The following ZNF831 variants were observed in gnomAD, a reference collection of about 807,000 sequenced individuals.
The protein encoded by ZNF831 is chromosome 20 open reading frame 174.
Under a neutral mutation model 95.8 loss-of-function variants are expected in ZNF831, and 59 were observed. The ratio of observed to expected loss-of-function variants is 0.62; its 90% CI spans 0.50 to 0.77. The LOEUF (loss-of-function observed/expected upper bound fraction) is 0.77. Among genes scored for constraint, ZNF831 ranks in the 30% least tolerant of loss-of-function variants. ZNF831 has a pLI of 0.00. For missense variants in ZNF831, 2,205 were observed against 2,164.0 expected (o/e 1.02, Z -0.38); for synonymous variants, 961 against 925.5 (o/e 1.04, Z -0.70).
intron 2 of ZNF831, among the ~76,000 whole-genome samples, chr20:59,158,477 T>C (rs552218689): frequency 6.6e-6 from 1 of 152,312 alleles, no homozygotes; most frequent in South Asian, 2.1e-4. Context: ...GAGGACATTG[T>C]CTTGGCAAAG....
Position 59,254,426 on chromosome 20 carries a change from G to A in ZNF831, c.4717G>A (p.Gly1573Arg), listed in dbSNP as rs2146769540. 6.2e-7 allele frequency: 1 copy of A among 1,614,188 alleles called. No homozygotes were observed. Among genetic ancestry groups the A allele is most frequent in the Non-Finnish European group, 8.5e-7 (1 of 1,180,040 alleles). The change falls in exon 6 of 6, where the codon GGA (glycine) becomes AGA (arginine). Residue 1573 changes from glycine to arginine, a missense_variant. By Grantham distance (125) the Gly-to-Arg change is moderately radical. Transcript: ENST00000371030. This position sits in a 1 kb window ranked among gnomAD's most constrained non-coding sequence, Gnocchi z 4.5. ...EKTHLEIPAS[G>R]PSSASSHHKE... ...AACTCATCTTGAAATACCAGCTTCAGGACCAAGTTCAGCTAGTTCACACCA... is the reference window on the plus strand; with the variant it reads ...AACTCATCTTGAAATACCAGCTTCAAGACCAAGTTCAGCTAGTTCACACCA...
intron 4 of ZNF831, among the ~76,000 whole-genome samples, chr20:59,236,446 CT>C (rs1987003038): frequency 6.6e-6 from 1 of 151,886 alleles, no homozygotes; most frequent in Non-Finnish European, 1.5e-5. Flanking sequence ...TTCTTTTATC[CT>C]TTTTTTGTTT....
chr20:59,157,736 A>G (rs899866482), intron 2 of ZNF831, among the ~76,000 whole-genome samples: 1 of 152,198 alleles, frequency 6.6e-6, no homozygotes, highest in Non-Finnish European at 1.5e-5. Flanking sequence ...ATGTTTAAAC[A>G]TATTGTTTTT....
chr20:59,140,741 A>G (rs760377712), intron 1 of ZNF831, among the ~76,000 whole-genome samples: 5 of 152,048 alleles, frequency 3.3e-5, no homozygotes, highest in Non-Finnish European at 7.4e-5. Flanking sequence ...GTCATTTTTA[A>G]TTTTAGCCAT....
Position 59,194,187 on chromosome 20 carries a change from C to G in ZNF831, c.3168C>G (p.Pro1056=), listed in dbSNP as rs773836194. 1 of 1,604,188 alleles carries G rather than the reference C, an allele frequency of 6.2e-7. No homozygotes were observed. Among genetic ancestry groups the G allele is most frequent in the East Asian group, 2.2e-5 (1 of 44,764 alleles). Residue 1056 remains proline (P), a synonymous_variant, in exon 2 of 6, where the codon CCC becomes CCG. Coordinates refer to ENST00000371030, the MANE Select transcript of ZNF831 (RefSeq NM_178457.3). ...CCAGGGAGGCTACCTCCTCCCCGCC[C>G]ACTCCAACGTGTGAGGCACACTTAG... ...GAPREATSSP[P]TPTCEAHLVQ...
In ZNF831 at chr20:59,256,958, C is replaced by T. The variant is rs2081981820; in HGVS notation, c.*2215C>T. The T allele has an allele frequency of 6.6e-6, 1 of 152,220 alleles. No homozygotes were observed. Among genetic ancestry groups the T allele is most frequent in the Non-Finnish European group, 1.5e-5 (1 of 68,048 alleles). 9.4% of individuals were successfully genotyped at this position (152,220 alleles called of 1,614,324 possible). ...AAAACCTATCTGTAGGCTGAACTGG[C>T]TCCTTTGTCTTAGGAGGCACTGGTC... On this transcript the variant is annotated 3_prime_UTR_variant, in exon 6 of 6. Transcript: ENST00000371030.
chr20:59,215,698 C>T (rs1985632174), intron 4 of ZNF831, among the ~76,000 whole-genome samples: 1 of 152,196 alleles, frequency 6.6e-6, no homozygotes, highest in South Asian at 2.1e-4. Context: ...GTGCCACCTT[C>T]AGAACTTTTG....
intron 3 of ZNF831, 55 bp from the exon 4 acceptor site, chr20:59,206,850 T>C (rs927015525): frequency 3.2e-6 from 5 of 1,575,036 alleles, no homozygotes; most frequent in Non-Finnish European, 3.4e-6. Flanking sequence ...TCCAGATTTT[T>C]CCAGGCATGT....
chr20:59,213,554 A>G (rs1985484119), intron 4 of ZNF831, among the ~76,000 whole-genome samples: 2 of 152,218 alleles, frequency 1.3e-5, no homozygotes, highest in Non-Finnish European at 2.9e-5. Flanking sequence ...GGTCCTCAAT[A>G]AAGTTTGTTG....
chr20:59,257,285 C>T lies in ZNF831; in HGVS notation c.*2542C>T, dbSNP rs906116229. Reference sequence around the variant, plus strand: ...TGGCTGGCAATGTTTACAAGTGTACCTTACTTTATATCAACATGAATTTGT... The same window carrying T: ...TGGCTGGCAATGTTTACAAGTGTACTTTACTTTATATCAACATGAATTTGT... On this transcript the variant is annotated 3_prime_UTR_variant, in exon 6 of 6. Transcript: ENST00000371030. 6.6e-6 allele frequency: 1 copy of T among 152,144 alleles called. No individual in the cohort carries two copies. Among genetic ancestry groups the T allele is most frequent in the Non-Finnish European group, 1.5e-5 (1 of 68,006 alleles). The allele number at this position is 152,144 out of a possible 1,614,324, so 9.4% of individuals were successfully genotyped here.
Position 59,258,232 on chromosome 20 carries a change from C to T in ZNF831, c.*3489C>T, listed in dbSNP as rs1988269155. 1 of 152,220 alleles carries T rather than the reference C, an allele frequency of 6.6e-6. No individual in the cohort carries two copies. The highest frequency in any genetic ancestry group is 1.5e-5 in the Non-Finnish European group (1 of 68,022). The allele number at this position is 152,220 out of a possible 1,614,324, so 9.4% of individuals were successfully genotyped here. The stretch of plus-strand genomic sequence containing the variant: ...ATTTTAATGGAAACACTGCCAATAG[C>T]ATGGTGGGTAACCTAGGGCAAGACA... On this transcript the variant is annotated 3_prime_UTR_variant, in exon 6 of 6. Coordinates refer to ENST00000371030, the MANE Select transcript of ZNF831 (RefSeq NM_178457.3).
At chr20:59,171,395 T>G (rs923832304) in intron 1 of ZNF831, among the ~76,000 whole-genome samples, 7 of 152,260 alleles carry the variant, frequency 4.6e-5, no homozygotes, top group African/African-American at 1.7e-4. Context: ...TCTGGCACAG[T>G]CTATCCCTTT....
At chr20:59,186,316 G>T (rs541570554) in intron 1 of ZNF831, among the ~76,000 whole-genome samples, 1 of 152,134 alleles carries the variant, frequency 6.6e-6, no homozygotes, top group East Asian at 1.9e-4. Flanking sequence ...TGCTAGAGGC[G>T]ATGCATGGAG....
rs753663820 is a variant in ZNF831, at chr20:59,254,776, A to G, written c.*33A>G. ...AGAGAAACATGGTGTCTGGTCAAAAAGACTGTTGACGCTTCACAAGTAAAT... is the reference window on the plus strand; with the variant it reads ...AGAGAAACATGGTGTCTGGTCAAAAGGACTGTTGACGCTTCACAAGTAAAT... On this transcript the variant is annotated 3_prime_UTR_variant, in exon 6 of 6. Coordinates refer to ENST00000371030, the MANE Select transcript of ZNF831 (RefSeq NM_178457.3). The surrounding 1 kb of genome is among the most constrained non-coding windows in gnomAD (Gnocchi z 4.5). 7 of 1,570,828 alleles carry G rather than the reference A, an allele frequency of 4.5e-6. No homozygotes were observed. The African/African-American group carries it at 9.6e-5, about 22-fold the overall frequency.
At chr20:59,124,549 G>A (rs935654959) in intron 1 of ZNF831, among the ~76,000 whole-genome samples, 4 of 152,226 alleles carry the variant, frequency 2.6e-5, no homozygotes, top group Non-Finnish European at 5.9e-5. Flanking sequence ...GATTACAGAT[G>A]TACCTAAGCA....
chr20:59,197,851 C>A (rs1212627897), intron 3 of ZNF831, among the ~76,000 whole-genome samples: 1 of 152,170 alleles, frequency 6.6e-6, no homozygotes, highest in Non-Finnish European at 1.5e-5. Flanking sequence ...GACGGAGGAG[C>A]TGCATGCGGG....
In ZNF831 at chr20:59,174,181, C is replaced by T. The variant is rs546170636; in HGVS notation, c.-37+9974C>T. Among the ~76,000 whole-genome samples, 16 of 152,200 alleles carry T rather than the reference C, an allele frequency of 1.1e-4. No individual in the cohort carries two copies. The East Asian group carries it at 1.7e-3, about 17-fold the overall frequency. On this transcript the variant is annotated intron_variant, in intron 1 of 5. Coordinates refer to ENST00000371030, the MANE Select transcript of ZNF831 (RefSeq NM_178457.3). ...GAGGAAGTGGGGCTTGCAGAGGAAA[C>T]GGCCACTGTGTGTGGACTCCTGGCC...
At chr20:59,223,048 C>G (rs1251954805) in intron 4 of ZNF831, among the ~76,000 whole-genome samples, 1 of 152,042 alleles carries the variant, frequency 6.6e-6, no homozygotes, top group African/African-American at 2.4e-5. Context: ...AAACGCCACC[C>G]AGAAATGCAA....
At chr20:59,252,764 T>C (rs1228873090) in intron 4 of ZNF831, among the ~76,000 whole-genome samples, 4 of 152,348 alleles carry the variant, frequency 2.6e-5, no homozygotes, top group Non-Finnish European at 4.4e-5. Context: ...ACTTTGAGAA[T>C]TGGTTTTGCC....
Sources: allele counts gnomAD v4.1 joint callset (sites outside exome capture counted in the v4.1 genomes callset), GRCh38; gene constraint gnomAD v4.1.1; non-coding constraint Gnocchi (gnomAD v3.1); transcripts MANE v1.5; gene names NCBI Gene and HGNC (gene_info 2026-07-23, HGNC 2026-07-21).